The following RAB10 variants were observed in gnomAD, a reference collection of about 807,000 sequenced individuals.
RAB10 encodes the protein RAB10, member RAS oncogene family.
A neutral mutation model predicts 25.7 loss-of-function variants in RAB10; 5 were observed. The observed-to-expected ratio is 0.19, with a 90% CI of 0.10 to 0.41. The LOEUF is 0.41. Ranked by LOEUF, RAB10 falls within the 10% of genes least tolerant of loss-of-function variation. The probability of loss-of-function intolerance (pLI) is 1.00; values close to 1 mark genes in which losing one functional copy is unlikely to be tolerated. For missense variants in RAB10, 103 were observed against 245.8 expected (o/e 0.42, Z 3.89); for synonymous variants, 89 against 86.4 (o/e 1.03, Z -0.16).
intron 1 of RAB10, 50 bp downstream of exon 1, chr2:26,034,785 T>C: frequency 6.2e-7 from 1 of 1,604,296 alleles, no homozygotes; most frequent in Non-Finnish European, 8.5e-7. Flanking sequence ...GCATACCGTT[T>C]ATTTTACTCC....
chr2:26,096,886 A>G (rs1667229628), intron 1 of RAB10, among the ~76,000 whole-genome samples: 1 of 152,048 alleles, frequency 6.6e-6, no homozygotes, highest in African/African-American at 2.4e-5. Flanking sequence ...TCCCAGATGT[A>G]TTTCTGTTAT....
At chr2:26,099,975 C>A (rs995650827) in intron 2 of RAB10, among the ~76,000 whole-genome samples, 2 of 152,126 alleles carry the variant, frequency 1.3e-5, no homozygotes, top group Non-Finnish European at 2.9e-5. Context: ...TGGGTCCTGT[C>A]CTGGGTCCTA....
chr2:26,093,213 C>G (rs921167663), intron 1 of RAB10, among the ~76,000 whole-genome samples: 3 of 152,112 alleles, frequency 2.0e-5, no homozygotes, highest in African/African-American at 7.2e-5. Context: ...TTTCCCTACC[C>G]CAGGACCTCT....
At chr2:26,104,988 C>T (rs955592143) in intron 2 of RAB10, among the ~76,000 whole-genome samples, 2 of 152,078 alleles carry the variant, frequency 1.3e-5, no homozygotes, top group South Asian at 2.1e-4. Context: ...CCACCCGCCT[C>T]GGCCTCCCAA....
intron 1 of RAB10, among the ~76,000 whole-genome samples, chr2:26,035,990 A>G (rs764654836): frequency 7.2e-5 from 11 of 152,136 alleles, no homozygotes; most frequent in Non-Finnish European, 1.5e-4. Flanking sequence ...CCTTATTTCC[A>G]GAGTATCATA....
chr2:26,118,344 C>CA (rs2149286804), intron 3 of RAB10, among the ~76,000 whole-genome samples: 1 of 150,980 alleles, frequency 6.6e-6, no homozygotes, highest in South Asian at 2.1e-4. Flanking sequence ...GACCGGGTTT[C>CA]ACTGTTTCCC....
At chr2:26,082,804 A>C (rs1332349854) in intron 1 of RAB10, among the ~76,000 whole-genome samples, 1 of 152,196 alleles carries the variant, frequency 6.6e-6, no homozygotes, top group East Asian at 1.9e-4. Flanking sequence ...ACCTATCCCT[A>C]ATGAACATAG....
intron 1 of RAB10, among the ~76,000 whole-genome samples, chr2:26,050,084 CCT>C (rs1666100585): frequency 6.6e-6 from 1 of 152,112 alleles, no homozygotes; most frequent in Admixed American, 6.6e-5. Flanking sequence ...TATGCGATAC[CCT>C]GTTTTTTTGC....
At chr2:26,054,599 A>C (rs1356788626) in intron 1 of RAB10, among the ~76,000 whole-genome samples, 2 of 152,232 alleles carry the variant, frequency 1.3e-5, no homozygotes, top group African/African-American at 4.8e-5. Flanking sequence ...AGGTAAATAT[A>C]ATATCAGAAT....
chr2:26,110,010 A>C, intron 3 of RAB10, 104 bp downstream of exon 3: 1 of 1,215,020 alleles, frequency 8.2e-7, no homozygotes, highest in Non-Finnish European at 1.1e-6. Context: ...TGTACTGTTG[A>C]AGTCATTATT....
intron 1 of RAB10, among the ~76,000 whole-genome samples, chr2:26,066,157 A>G (rs1416463846): frequency 3.3e-5 from 5 of 152,294 alleles, no homozygotes; most frequent in Admixed American, 6.5e-5. Context: ...TGGTTTTTCT[A>G]TGGAAGAGGT....
chr2:26,124,388 G>GT (rs1559599431), intron 3 of RAB10, among the ~76,000 whole-genome samples: 1 of 17,104 alleles, frequency 5.8e-5, no homozygotes, highest in Non-Finnish European at 1.2e-4. Context: ...TGTTGTTGTT[G>GT]CTTTTTTTTT....
chr2:26,107,415 G>C (rs1667488150), intron 2 of RAB10, among the ~76,000 whole-genome samples: 1 of 152,130 alleles, frequency 6.6e-6, no homozygotes, highest in Non-Finnish European at 1.5e-5. Context: ...CTACAGACTT[G>C]GAGAAAATAT....
intron 1 of RAB10, among the ~76,000 whole-genome samples, chr2:26,047,402 G>A (rs1559577697): frequency 8.6e-6 from 1 of 116,144 alleles, no homozygotes; most frequent in Non-Finnish European, 1.6e-5. Flanking sequence ...TGTATCATTT[G>A]TTTTGTTTGT....
chr2:26,110,352 A>AG (rs1266189516), intron 3 of RAB10, among the ~76,000 whole-genome samples: 4 of 151,670 alleles, frequency 2.6e-5, no homozygotes, highest in Non-Finnish European at 5.9e-5. Context: ...AAAAAAAAAA[A>AG]AAAAGTTAAT....
chr2:26,098,630 A>G (rs767637036), intron 1 of RAB10, 32 bp from the exon 2 acceptor site: 20 of 1,488,992 alleles, frequency 1.3e-5, no homozygotes, highest in Non-Finnish European at 1.8e-5. Context: ...GTAAAGCCAC[A>G]GTTACAGTTT....
At chr2:26,121,221 TTTG>T (rs1445072393) in intron 3 of RAB10, among the ~76,000 whole-genome samples, 8 of 152,346 alleles carry the variant, frequency 5.3e-5, no homozygotes, top group Admixed American at 1.3e-4. Context: ...ATAATTTTTC[TTTG>T]TTAAGCTTGT....
intron 3 of RAB10, among the ~76,000 whole-genome samples, chr2:26,115,855 T>C (rs990118287): frequency 1.6e-5 from 2 of 122,018 alleles, no homozygotes; most frequent in Admixed American, 2.2e-4. Context: ...AGAGTTGTTA[T>C]TACTGTTTTT....
chr2:26,078,571 G>A (rs1666788881), intron 1 of RAB10, among the ~76,000 whole-genome samples: 1 of 152,150 alleles, frequency 6.6e-6, no homozygotes, highest in South Asian at 2.1e-4. Context: ...GGACTAGGGT[G>A]ATTTCTGAGG....
Sources: gnomAD v4.1 joint callset for allele counts (sites outside exome capture counted in the v4.1 genomes callset) on GRCh38, gnomAD v4.1.1 for gene constraint, MANE v1.5 for transcripts, NCBI Gene and HGNC (gene_info 2026-07-23, HGNC 2026-07-21) for gene names.